Variants in ADGRD1 observed in about 807,000 individuals in gnomAD.
The protein encoded by ADGRD1 is adhesion G protein-coupled receptor D1, also known as G-protein coupled receptor 133.
ADGRD1 carries 77 observed loss-of-function variants against 113.4 expected under a neutral mutation model. The observed-to-expected ratio is 0.68, with a 90% confidence interval of 0.57 to 0.82. The LOEUF is 0.82. Among genes scored for constraint, ADGRD1 ranks in the 40% least tolerant of loss-of-function variants. ADGRD1 has a pLI of 0.00. For missense variants in ADGRD1, 1,036 were observed against 1,139.1 expected, an observed-to-expected ratio of 0.91 and a Z score of 1.30; for synonymous variants, 474 against 475.0, an observed-to-expected ratio of 1.00 and a Z score of 0.03.
chr12:131,043,181 C>T (rs914928096), intron 13 of ADGRD1, among the ~76,000 whole-genome samples: 4 of 152,188 alleles, frequency 2.6e-5, no homozygotes, highest in Non-Finnish European at 4.4e-5. Context: ...CAGCCCGGCC[C>T]GGGGCTGAGC....
chr12:131,043,781 G>A (rs865802244), intron 13 of ADGRD1, among the ~76,000 whole-genome samples: 3 of 152,264 alleles, frequency 2.0e-5, no homozygotes, highest in Admixed American at 1.3e-4. Flanking sequence ...TGACCGGAGG[G>A]CATAGTGACT....
chr12:131,127,783 T>G (rs1950778419), intron 20 of ADGRD1, among the ~76,000 whole-genome samples: 1 of 138,784 alleles, frequency 7.2e-6, no homozygotes, highest in Non-Finnish European at 1.6e-5. Flanking sequence ...TTGGTTGTGT[T>G]GGTTGTGATG....
chr12:131,000,199 C>T (rs576989826), intron 8 of ADGRD1, among the ~76,000 whole-genome samples, 184 bp from the exon 9 acceptor site: 4 of 152,318 alleles, frequency 2.6e-5, no homozygotes, highest in East Asian at 3.9e-4. Flanking sequence ...AATAAGATAA[C>T]GTCCATAAAA....
chr12:131,053,754 G>C (rs959162974), intron 13 of ADGRD1, among the ~76,000 whole-genome samples: 1 of 152,136 alleles, frequency 6.6e-6, no homozygotes, highest in African/African-American at 2.4e-5. Context: ...TATTCATGTC[G>C]TTTACTTAGG....
chr12:131,038,418 G>A (rs1296822364), intron 13 of ADGRD1, among the ~76,000 whole-genome samples: 1 of 152,212 alleles, frequency 6.6e-6, no homozygotes, highest in African/African-American at 2.4e-5. Context: ...CTCTGGTTTG[G>A]TATCGCAGAG....
At chr12:131,065,652 G>A (rs1280474746) in intron 13 of ADGRD1, among the ~76,000 whole-genome samples, 1 of 152,200 alleles carries the variant, frequency 6.6e-6, no homozygotes, top group Non-Finnish European at 1.5e-5. Context: ...TGTGATGGGA[G>A]GGAGGGGGTC....
At chr12:130,969,313 TCCGTAG>T in intron 3 of ADGRD1, 1 of 474,922 alleles carries the variant, frequency 2.1e-6, no homozygotes, top group Non-Finnish European at 3.8e-6. Flanking sequence ...CTGGCAGCAA[TCCGTAG>T]CCTGTTAGGA....
chr12:131,058,763 C>G (rs999894688), intron 13 of ADGRD1, among the ~76,000 whole-genome samples: 1 of 152,160 alleles, frequency 6.6e-6, no homozygotes, highest in Non-Finnish European at 1.5e-5. Flanking sequence ...GGTGAGATGT[C>G]CTTTCTCTCT....
chr12:131,097,046 G>A (rs565706188), intron 15 of ADGRD1, among the ~76,000 whole-genome samples: 2 of 152,136 alleles, frequency 1.3e-5, no homozygotes, highest in East Asian at 1.9e-4. Flanking sequence ...TGGCTTCCAC[G>A]GGGGGATTTG....
At chr12:131,118,247 C>T (rs1200634639) in intron 18 of ADGRD1, 138 bp from the exon 19 acceptor site, 4 of 634,116 alleles carry the variant, frequency 6.3e-6, no homozygotes, top group African/African-American at 5.6e-5. Context: ...TGTGTCCCAA[C>T]AATTAGCACA....
At chr12:131,048,910 T>C (rs1883105850) in intron 13 of ADGRD1, among the ~76,000 whole-genome samples, 1 of 151,546 alleles carries the variant, frequency 6.6e-6, no homozygotes, top group Admixed American at 6.6e-5. Context: ...TTCCTGACAC[T>C]CAGGGCAAGA....
chr12:131,114,278 C>G (rs1252574441), intron 18 of ADGRD1, among the ~76,000 whole-genome samples: 1 of 152,172 alleles, frequency 6.6e-6, no homozygotes, highest in East Asian at 1.9e-4. Context: ...CACAAGATTA[C>G]AAAGTTCTTT....
At chr12:131,134,073 G>T (rs1434884280) in intron 21 of ADGRD1, among the ~76,000 whole-genome samples, 1 of 152,208 alleles carries the variant, frequency 6.6e-6, no homozygotes, top group Non-Finnish European at 1.5e-5. Context: ...TCTGTTTATT[G>T]ATTGTGATTC....
chr12:130,968,008 G>A (rs1214893630), intron 3 of ADGRD1: 1 of 152,206 alleles, frequency 6.6e-6, no homozygotes, highest in African/African-American at 2.4e-5. Context: ...GCCATGGAAA[G>A]GGGGTCATTT....
At chr12:131,018,179 C>T (rs923149032) in intron 13 of ADGRD1, among the ~76,000 whole-genome samples, 4 of 152,128 alleles carry the variant, frequency 2.6e-5, no homozygotes, top group Non-Finnish European at 4.4e-5. Context: ...CACGCCTATC[C>T]GCTCTCCCGC....
At chr12:131,034,977 A>C (rs900133016) in intron 13 of ADGRD1, 1 of 152,398 alleles carries the variant, frequency 6.6e-6, no homozygotes, top group East Asian at 1.9e-4. Flanking sequence ...CTTTTAAAGA[A>C]GCAAATCTGG....
chr12:131,013,440 C>T (rs937825969), intron 12 of ADGRD1, among the ~76,000 whole-genome samples: 2 of 152,164 alleles, frequency 1.3e-5, no homozygotes, highest in Non-Finnish European at 2.9e-5. Flanking sequence ...AGAAGTCTGG[C>T]AGGGAGAATG....
chr12:131,046,919 C>T (rs1882894458), intron 13 of ADGRD1, among the ~76,000 whole-genome samples: 1 of 144,974 alleles, frequency 6.9e-6, no homozygotes, highest in Non-Finnish European at 1.5e-5. Context: ...TGGCCAGTGT[C>T]CTCCCTGGTG....
intron 14 of ADGRD1, 25 bp downstream of exon 14, chr12:131,076,899 G>T: frequency 6.2e-7 from 1 of 1,603,576 alleles, no homozygotes; most frequent in South Asian, 1.1e-5. Flanking sequence ...GGGGAGAGCA[G>T]GTGGGCATGA....
Sources: allele counts gnomAD v4.1 joint callset (sites outside exome capture counted in the v4.1 genomes callset), GRCh38; gene constraint gnomAD v4.1.1; transcripts MANE v1.5; gene names NCBI Gene and HGNC (gene_info 2026-07-23, HGNC 2026-07-21).